COL11A1: variants seen among roughly 807,000 people sequenced by gnomAD.
COL11A1 encodes collagen alpha-1(XI) chain.
In COL11A1, 74 loss-of-function variants were observed where a neutral mutation model predicts 265.2. The ratio of observed to expected loss-of-function variants is 0.28; its 90% CI spans 0.23 to 0.34. The LOEUF is 0.34. COL11A1 is among the 10% of genes least tolerant of loss of function. The pLI is 1.00. For missense variants in COL11A1, 2,165 were observed against 2,263.6 expected (o/e 0.96, Z 0.88); for synonymous variants, 816 against 727.6 (o/e 1.12, Z -1.96).
chr1:103,073,114 A>G (rs2102273568), intron 4 of COL11A1, among the ~76,000 whole-genome samples: 1 of 151,940 alleles, frequency 6.6e-6, no homozygotes, highest in East Asian at 1.9e-4. Context: ...TAAGGGTTTC[A>G]TTAAAGAATC....
chr1:102,923,784 C>A (rs921940372), intron 46 of COL11A1, among the ~76,000 whole-genome samples: 4 of 151,878 alleles, frequency 2.6e-5, no homozygotes, highest in African/African-American at 9.7e-5. Flanking sequence ...TAGTTAGGTA[C>A]CAGTCTGGTA....
At chr1:102,887,923 A>G (rs567898956) in intron 62 of COL11A1, among the ~76,000 whole-genome samples, 1 of 152,286 alleles carries the variant, frequency 6.6e-6, no homozygotes, top group East Asian at 1.9e-4. Context: ...GGACCTCAGA[A>G]GGAACCAACA....
At chr1:103,104,883 A>G (rs770619703) in intron 1 of COL11A1, among the ~76,000 whole-genome samples, 9 of 152,120 alleles carry the variant, frequency 5.9e-5, no homozygotes, top group Non-Finnish European at 1.2e-4. Flanking sequence ...GCACTGTTGG[A>G]CTAGCACATA....
chr1:102,982,004 C>T (rs1000962673), intron 31 of COL11A1, among the ~76,000 whole-genome samples: 16 of 151,788 alleles, frequency 1.1e-4, no homozygotes, highest in Non-Finnish European at 2.4e-4. Context: ...TCAGCTTACA[C>T]ATAGGAAAAA....
Position 103,074,638 on chromosome 1 carries a change from A to G in COL11A1, c.631T>C (p.Leu211=). The G allele has an allele frequency of 6.2e-7, 1 of 1,613,262 alleles. No homozygotes were observed. Among genetic ancestry groups the G allele is most frequent in the Non-Finnish European group, 8.5e-7 (1 of 1,179,528 alleles). Residue 211 remains leucine, a synonymous_variant, in exon 4 of 67, where the codon TTG becomes CTG. Transcript: ENST00000370096. ...TTTACCTCAAAAACTTCTTCATCCA[A>G]AATCCTTGTTCCAAAAACCGTGATT... The part of the protein sequence containing the change: ...NGITVFGTRI[L]DEEVFEGDIQ...
chr1:103,019,122 T>C (rs537413834), intron 9 of COL11A1, among the ~76,000 whole-genome samples: 24 of 152,172 alleles, frequency 1.6e-4, no homozygotes, highest in Non-Finnish European at 3.2e-4. Flanking sequence ...AAGGAGAATA[T>C]GCTAAGTGCT....
intron 59 of COL11A1, 148 bp from the exon 60 acceptor site, chr1:102,889,067 G>A (rs1651396185): frequency 2.6e-6 from 2 of 765,530 alleles, no homozygotes; most frequent in Non-Finnish European, 4.4e-6. Flanking sequence ...ATTTTTCCAT[G>A]GTGAATCTAA....
chr1:103,086,326 A>AT, intron 1 of COL11A1, among the ~76,000 whole-genome samples: 1 of 150,858 alleles, frequency 6.6e-6, no homozygotes, highest in East Asian at 1.9e-4. Flanking sequence ...AAAGGAAAAC[A>AT]AAATGCATCC....
chr1:102,898,349 T>C (rs1286279387), intron 56 of COL11A1, among the ~76,000 whole-genome samples, 171 bp from the exon 57 acceptor site: 2 of 151,814 alleles, frequency 1.3e-5, no homozygotes, highest in Middle Eastern at 3.2e-3. Context: ...CTTTAATATG[T>C]GTATATGTCT....
intron 47 of COL11A1, among the ~76,000 whole-genome samples, chr1:102,921,833 T>G (rs1656022549): frequency 6.6e-6 from 1 of 152,238 alleles, no homozygotes; most frequent in Non-Finnish European, 1.5e-5. Flanking sequence ...TGCTACTGTC[T>G]GGTATAATGT....
At chr1:103,015,522 G>A (rs745586956) in intron 12 of COL11A1, 146 bp downstream of exon 12, 36 of 578,602 alleles carry the variant, frequency 6.2e-5, no homozygotes, top group Non-Finnish European at 8.8e-6. Flanking sequence ...AAATTTCCCT[G>A]AATTTCCAAA....
chr1:103,030,259 T>A (rs1039390186), intron 5 of COL11A1, among the ~76,000 whole-genome samples: 5 of 152,038 alleles, frequency 3.3e-5, no homozygotes, highest in African/African-American at 9.7e-5. Flanking sequence ...AAAACTAACA[T>A]TAAGTCATGG....
intron 4 of COL11A1, among the ~76,000 whole-genome samples, chr1:103,036,672 A>C (rs2102023781): frequency 6.6e-6 from 1 of 152,134 alleles, no homozygotes; most frequent in South Asian, 2.1e-4. Context: ...GTTTTAAGAC[A>C]CTCTGTAAAC....
intron 25 of COL11A1, 37 bp downstream of exon 25, chr1:102,998,273 G>A: frequency 6.5e-7 from 1 of 1,538,622 alleles, no homozygotes; most frequent in Non-Finnish European, 9.0e-7. Context: ...TAAAGATAAT[G>A]TAAAGAAATT....
chr1:102,879,621 C>A, intron 66 of COL11A1, 62 bp downstream of exon 66: 2 of 1,476,916 alleles, frequency 1.4e-6, no homozygotes, highest in Middle Eastern at 3.4e-4. Context: ...TAAGGACCGA[C>A]TGAAACGGTG....
intron 1 of COL11A1, among the ~76,000 whole-genome samples, chr1:103,086,628 G>A (rs2102345033): frequency 6.6e-6 from 1 of 152,184 alleles, no homozygotes; most frequent in African/African-American, 2.4e-5. Context: ...GTGTTAGCCA[G>A]GATGGTCTTG....
chr1:102,895,904 C>A (rs1652362938), intron 57 of COL11A1, among the ~76,000 whole-genome samples: 1 of 151,392 alleles, frequency 6.6e-6, no homozygotes, highest in East Asian at 1.9e-4. Context: ...TAGTCAACAA[C>A]TTGCATAAGG....
intron 46 of COL11A1, among the ~76,000 whole-genome samples, chr1:102,928,336 T>G (rs1329878249): frequency 6.8e-6 from 1 of 147,464 alleles, no homozygotes. Context: ...CACCTATGAG[T>G]GAGAATATGC....
chr1:102,921,693 A>G, intron 47 of COL11A1, 122 bp from the exon 48 acceptor site: 1 of 798,934 alleles, frequency 1.3e-6, no homozygotes. Context: ...TTAGTGAAGC[A>G]CATCAGGGTT....
Sources: gnomAD v4.1 joint callset for allele counts (sites outside exome capture counted in the v4.1 genomes callset) on GRCh38, gnomAD v4.1.1 for gene constraint, MANE v1.5 for transcripts, NCBI Gene and HGNC (gene_info 2026-07-23, HGNC 2026-07-21) for gene names.